CDH18: variants seen among roughly 807,000 people sequenced by gnomAD.
CDH18 encodes the protein cadherin-18.
In CDH18, 31 loss-of-function variants were observed where a neutral mutation model predicts 67.9. The observed-to-expected ratio is 0.46, with a 90% confidence interval of 0.34 to 0.62. The LOEUF (loss-of-function observed/expected upper bound fraction) is 0.62. CDH18 is among the 20% of genes least tolerant of loss of function. CDH18 has a pLI of 0.01. For synonymous variants in CDH18, 362 were observed against 347.2 expected, an observed-to-expected ratio of 1.04 and a Z score of -0.48; for missense variants, 890 against 975.5, an observed-to-expected ratio of 0.91 and a Z score of 1.17.
chr5:20,382,380 T>C (rs1743979155), intron 1 of CDH18, among the ~76,000 whole-genome samples: 1 of 152,156 alleles, frequency 6.6e-6, no homozygotes, highest in Admixed American at 6.6e-5. Flanking sequence ...AATGAATGAA[T>C]GGAAGGCTTT....
intron 2 of CDH18, among the ~76,000 whole-genome samples, chr5:20,001,733 T>C (rs887580380): frequency 2.0e-5 from 3 of 152,204 alleles, no homozygotes. Context: ...TCTTGCGTTG[T>C]ATAAGCCCAG....
intron 2 of CDH18, among the ~76,000 whole-genome samples, chr5:19,969,743 T>C (rs1364299270): frequency 6.6e-6 from 1 of 151,422 alleles, no homozygotes; most frequent in East Asian, 2.0e-4. Context: ...TACCTAATGC[T>C]ACATGAGGAG....
At chr5:20,399,434 A>G (rs1441887711) in intron 1 of CDH18, among the ~76,000 whole-genome samples, 2 of 152,220 alleles carry the variant, frequency 1.3e-5, no homozygotes, top group South Asian at 2.1e-4. Context: ...CTGAGGTAGA[A>G]TTAATATAAA....
intron 1 of CDH18, among the ~76,000 whole-genome samples, chr5:20,404,484 A>AT (rs906386913): frequency 1.3e-5 from 2 of 152,018 alleles, no homozygotes; most frequent in Admixed American, 6.6e-5. Flanking sequence ...CCATTACACA[A>AT]TTTTTTTAAG....
At chr5:20,097,528 G>A (rs998416855) in intron 2 of CDH18, among the ~76,000 whole-genome samples, 2 of 152,194 alleles carry the variant, frequency 1.3e-5, no homozygotes, top group African/African-American at 4.8e-5. Flanking sequence ...GACATGTGGG[G>A]ATTATGCGAG....
chr5:19,975,126 A>G (rs191503585), intron 2 of CDH18, among the ~76,000 whole-genome samples: 7 of 152,314 alleles, frequency 4.6e-5, no homozygotes, highest in Non-Finnish European at 4.4e-5. Flanking sequence ...TATAAATGAT[A>G]CATTATATAA....
intron 3 of CDH18, among the ~76,000 whole-genome samples, chr5:19,823,851 A>G (rs1466709999): frequency 6.6e-6 from 1 of 152,172 alleles, no homozygotes; most frequent in African/African-American, 2.4e-5. Context: ...CAATCAATTC[A>G]AAAGTATCAG....
At chr5:19,489,254 T>C (rs537997508) in intron 11 of CDH18, among the ~76,000 whole-genome samples, 4 of 148,500 alleles carry the variant, frequency 2.7e-5, no homozygotes, top group African/African-American at 4.9e-5. Flanking sequence ...TTTTTTCTTT[T>C]TTTTTTTTTT....
rs114032691 is a variant in CDH18, at chr5:19,556,315, T to C, written c.1254-12310A>G. On this transcript the variant is annotated intron_variant, in intron 8 of 12. Transcript: ENST00000382275. Reference sequence around the variant, plus strand: ...AAAAAGATTTCAGAAGATTGATTATTAAGGCAATCAAGGAAGCACTAGAGA... The same window carrying C: ...AAAAAGATTTCAGAAGATTGATTATCAAGGCAATCAAGGAAGCACTAGAGA... 1.9e-3 allele frequency among the ~76,000 whole-genome samples: 287 copies of C among 152,034 alleles called. 1 individual carries two copies. The highest frequency in any genetic ancestry group is 6.6e-3 in the African/African-American group (273 of 41,476).
chr5:19,720,478 C>T (rs1440533677), intron 5 of CDH18, among the ~76,000 whole-genome samples: 2 of 152,080 alleles, frequency 1.3e-5, no homozygotes, highest in Non-Finnish European at 2.9e-5. Flanking sequence ...TGTTACTGAA[C>T]ACTTGTCTAA....
intron 1 of CDH18, among the ~76,000 whole-genome samples, chr5:20,420,912 A>G (rs1747811892): frequency 1.3e-5 from 2 of 151,276 alleles, no homozygotes; most frequent in South Asian, 4.1e-4. Flanking sequence ...CTTTTTCACG[A>G]AAACTGAAAT....
At chr5:20,493,360 A>ATT (rs1753705610) in intron 1 of CDH18, among the ~76,000 whole-genome samples, 1 of 41,900 alleles carries the variant, frequency 2.4e-5, no homozygotes, top group African/African-American at 5.2e-5. Flanking sequence ...GAAAATTAAA[A>ATT]AAAAAAAAAA....
At chr5:20,171,753 G>C (rs1736732818) in intron 2 of CDH18, among the ~76,000 whole-genome samples, 1 of 151,360 alleles carries the variant, frequency 6.6e-6, no homozygotes, top group Non-Finnish European at 1.5e-5. Context: ...TCCTTTTTTT[G>C]CACTTAATTT....
chr5:19,890,806 G>C (rs1315578687), intron 2 of CDH18, among the ~76,000 whole-genome samples: 1 of 151,982 alleles, frequency 6.6e-6, no homozygotes, highest in African/African-American at 2.4e-5. Flanking sequence ...TGTTGGCCAG[G>C]CTGAACATCA....
intron 5 of CDH18, among the ~76,000 whole-genome samples, chr5:19,669,590 C>G (rs1045768044): frequency 3.3e-5 from 5 of 152,150 alleles, no homozygotes; most frequent in African/African-American, 1.2e-4. Context: ...TGCACCCAAC[C>G]TCTCATTGAT....
chr5:19,865,948 T>A (rs1000747904), intron 2 of CDH18, among the ~76,000 whole-genome samples: 10 of 152,144 alleles, frequency 6.6e-5, no homozygotes, highest in Non-Finnish European at 1.2e-4. Flanking sequence ...ATCAGGAGCA[T>A]TTTTCAAATT....
At chr5:19,891,865 G>T (rs1788814515) in intron 2 of CDH18, among the ~76,000 whole-genome samples, 1 of 152,182 alleles carries the variant, frequency 6.6e-6, no homozygotes, top group African/African-American at 2.4e-5. Flanking sequence ...ATGTTTAAAA[G>T]CATTTCCTAG....
At chr5:19,649,221 AAT>A (rs1378581969) in intron 5 of CDH18, among the ~76,000 whole-genome samples, 1 of 152,146 alleles carries the variant, frequency 6.6e-6, no homozygotes, top group Non-Finnish European at 1.5e-5. Context: ...GTAGAACAGA[AAT>A]AGTCTTTGAA....
At chr5:20,329,695 C>T (rs1214398835) in intron 1 of CDH18, among the ~76,000 whole-genome samples, 4 of 138,548 alleles carry the variant, frequency 2.9e-5, no homozygotes, top group Admixed American at 8.5e-5. Flanking sequence ...TCTTGAACCC[C>T]GGAGGCGGAG....
Sources: allele counts gnomAD v4.1 joint callset (sites outside exome capture counted in the v4.1 genomes callset), GRCh38; gene constraint gnomAD v4.1.1; transcripts MANE v1.5; gene names NCBI Gene and HGNC (gene_info 2026-07-23, HGNC 2026-07-21).